Variants in GFAP observed in about 807,000 individuals in gnomAD.
GFAP encodes intermediate filament protein.
Under a neutral mutation model 49.3 loss-of-function variants are expected in GFAP, and 38 were observed. That is an observed-to-expected ratio of 0.77 (90% CI 0.60 to 1.01). GFAP has a LOEUF of 1.01. Among genes scored for constraint, GFAP ranks in the 50% least tolerant of loss-of-function variants. The pLI is 0.00. For synonymous variants in GFAP, 222 were observed against 236.4 expected, an observed-to-expected ratio of 0.94 and a Z score of 0.56; for missense variants, 463 against 579.1, an observed-to-expected ratio of 0.80 and a Z score of 2.06.
Position 44,904,501 on chromosome 17 carries a change from G to T in GFAP, c.*2846C>A. The T allele has an allele frequency of 1.3e-6, 2 of 1,549,442 alleles. No homozygotes were observed. The highest frequency in any genetic ancestry group is 2.4e-5 in the South Asian group (2 of 83,972). The stretch of plus-strand genomic sequence containing the variant: ...CAAGGGCTGTGCCAAGGAAGCTGCG[G>T]ACCAAGGCCAGGGACCACACGCCTG... On this transcript the variant is annotated 3_prime_UTR_variant, in exon 9 of 9. Coordinates refer to ENST00000588735, the MANE Select transcript of GFAP (RefSeq NM_002055.5).
chr17:44,912,906 A>C (rs2051807339), intron 4 of GFAP: 1 of 312,884 alleles, frequency 3.2e-6, no homozygotes, highest in African/African-American at 2.2e-5. Flanking sequence ...TGGAAATCCA[A>C]CTCTACCACT....
rs758585959 is a variant in GFAP at position 44,915,165 on chromosome 17, C to T, written c.322G>A (p.Glu108Lys). 3 of 1,614,062 alleles carry T rather than the reference C, an allele frequency of 1.9e-6. No individual in the cohort carries two copies. The East Asian group carries it at 6.7e-5, about 36-fold the overall frequency. The change falls in exon 1 of 9, where the codon GAG (glutamate) becomes AAG (lysine). Residue 108 changes from glutamate (E) to lysine (K), a missense_variant. By Grantham distance (56) the Glu-to-Lys change is moderately conservative (BLOSUM62 1). Around this residue, in one of 3 missense-constraint regions of GFAP, gnomAD observed 362 missense variants for 445.5 expected, o/e 0.81. Coordinates refer to ENST00000588735, the MANE Select transcript of GFAP (RefSeq NM_002055.5). This position sits in a 1 kb window ranked among gnomAD's most constrained non-coding sequence, Gnocchi z 4.1. ...TAGACGTCTGCCAGCTTGGTGGGCT[C>T]CTTGGCCCGCAGCTGGTTCAGCTCA... ...AAELNQLRAK[E>K]PTKLADVYQA...
intron 6 of GFAP, chr17:44,910,905 T>C: frequency 1.6e-6 from 1 of 618,652 alleles, no homozygotes; most frequent in Non-Finnish European, 2.8e-6. Flanking sequence ...GAGGGGAAAG[T>C]GGTGAAGAAA....
intron 5 of GFAP, 62 bp from the exon 6 acceptor site, chr17:44,911,518 C>T: frequency 1.9e-6 from 3 of 1,542,942 alleles, no homozygotes; most frequent in South Asian, 2.4e-5. Flanking sequence ...GTTTCGAGGC[C>T]CGGCCCCCGG....
rs551654305 is a variant in GFAP, at chr17:44,911,884, T to G, written c.781-87A>C. 2.0e-5 allele frequency: 29 copies of G among 1,474,840 alleles called. No individual in the cohort carries two copies. In the East Asian group the frequency reaches 5.7e-4, roughly 29 times the overall value. The allele number at this position is 1,474,840 out of a possible 1,614,324, so 91.4% of individuals were successfully genotyped here. On this transcript the variant is annotated intron_variant, in intron 4 of 8. Coordinates refer to ENST00000588735, the MANE Select transcript of GFAP (RefSeq NM_002055.5). ...ATCAGGGAGGTGAGCAGCACCCCAGTTAACCCCAGGACGTTGGCCCTGGCT... is the reference window on the plus strand; with the variant it reads ...ATCAGGGAGGTGAGCAGCACCCCAGGTAACCCCAGGACGTTGGCCCTGGCT...
chr17:44,913,858 A>G lies in GFAP; in HGVS notation c.523-35T>C, dbSNP rs548070428. On this transcript the variant is annotated intron_variant, in intron 2 of 8. Coordinates refer to ENST00000588735, the MANE Select transcript of GFAP (RefSeq NM_002055.5). ...CAGGAGGGGTGAGGAGTAGAGGGCCACTGGGGCCCCAGGCTCCTTCTCCCC... is the reference window on the plus strand; with the variant it reads ...CAGGAGGGGTGAGGAGTAGAGGGCCGCTGGGGCCCCAGGCTCCTTCTCCCC... 22 of 1,565,336 alleles carry G rather than the reference A, an allele frequency of 1.4e-5. No homozygotes were observed. The Admixed American group carries it at 3.0e-4, about 21-fold the overall frequency.
At chr17:44,907,749 G>A (rs1284296805) in intron 8 of GFAP, 1 of 555,204 alleles carries the variant, frequency 1.8e-6, no homozygotes, top group Non-Finnish European at 3.2e-6. Context: ...AGAGTTGGAA[G>A]TGAAAGCTAC....
intron 4 of GFAP, among the ~76,000 whole-genome samples, chr17:44,912,114 G>GTTTTTTTGT (rs2051787060): frequency 1.3e-5 from 2 of 151,544 alleles, no homozygotes; most frequent in African/African-American, 4.9e-5. Flanking sequence ...GTGTGTTTTT[G>GTTTTTTTGT]TTTTTTTGTT....
At position 44,914,698 on chromosome 17, in the gene GFAP, T is replaced by C. The variant is rs2051865667; in HGVS notation, c.461+328A>G. On this transcript the variant is annotated intron_variant, in intron 1 of 8. Coordinates refer to ENST00000588735, the MANE Select transcript of GFAP (RefSeq NM_002055.5). Reference sequence around the variant, plus strand: ...CCTTTATATGGACACAGGCTCAGAATAGGTGAGCTCGCTGCCCACAGTCAC... The same window carrying C: ...CCTTTATATGGACACAGGCTCAGAACAGGTGAGCTCGCTGCCCACAGTCAC... 4 of 406,582 alleles carry C rather than the reference T, an allele frequency of 9.8e-6. No individual in the cohort carries two copies. The South Asian group carries it at 1.1e-4, about 11-fold the overall frequency. 25.2% of individuals were successfully genotyped at this position (406,582 alleles called of 1,614,324 possible). A position where few individuals can be genotyped will look rare whatever the true frequency, so the allele number is the denominator to read the frequency against.
chr17:44,910,671 A>T lies in GFAP; in HGVS notation c.1128-13T>A, dbSNP rs777160665. On this transcript the variant is annotated splice_polypyrimidine_tract_variant and intron_variant, in intron 6 of 8. Coordinates refer to ENST00000588735, the MANE Select transcript of GFAP (RefSeq NM_002055.5). Reference sequence around the variant, plus strand: ...GGGAATGGTGATCCTGAAAGAAAGCAGAGGGAGAGGGCTGCCCGGGCTGCC... The same window carrying T: ...GGGAATGGTGATCCTGAAAGAAAGCTGAGGGAGAGGGCTGCCCGGGCTGCC... 6.3e-7 allele frequency: 1 copy of T among 1,584,712 alleles called. No homozygotes were observed. Among genetic ancestry groups the T allele is most frequent in the African/African-American group, 1.3e-5 (1 of 74,832 alleles).
chr17:44,911,611 G>T (rs886805023), intron 5 of GFAP, 61 bp downstream of exon 5: 2 of 1,598,644 alleles, frequency 1.3e-6, no homozygotes, highest in Non-Finnish European at 1.7e-6. Flanking sequence ...TTCTCCCCTG[G>T]CATCTCCTGG....
At position 44,904,472 on chromosome 17, in the gene GFAP, G is replaced by A; in HGVS notation, c.*2875C>T. 1 of 1,545,926 alleles carries A rather than the reference G, an allele frequency of 6.5e-7. No homozygotes were observed. The highest frequency in any genetic ancestry group is 1.4e-5 in the African/African-American group (1 of 73,088). The stretch of plus-strand genomic sequence containing the variant: ...GGCCGTGCCCGATGTGGTGTCTTGT[G>A]GCTCAAGGGCTGTGCCAAGGAAGCT... On this transcript the variant is annotated 3_prime_UTR_variant, in exon 9 of 9. Coordinates refer to ENST00000588735, the MANE Select transcript of GFAP (RefSeq NM_002055.5).
rs2051758785 is a variant in GFAP, at chr17:44,911,355, C to T, written c.1008G>A (p.Gln336=). ...GGCGGGCCATCTCGTCCTTGAGGCT[C>T]TGCCCCTCTTCCTCCAGCCGCGCCA... ...EALARLEEEG[Q]SLKDEMARHL... Residue 336 remains glutamine, a synonymous_variant, in exon 6 of 9, where the codon CAG becomes CAA. Transcript: ENST00000588735. The T allele has an allele frequency of 6.2e-7, 1 of 1,614,210 alleles. No individual in the cohort carries two copies. The highest frequency in any genetic ancestry group is 2.2e-5 in the East Asian group (1 of 44,890).
In GFAP at chr17:44,914,006, C is replaced by T. The variant is rs1469301705; in HGVS notation, c.522+22G>A. On this transcript the variant is annotated intron_variant, in intron 2 of 8. Transcript: ENST00000588735. ...ATCAATCCTTTCCTCCCTCCCCTGCCCCTCCCCTCCACCTCCCTGACCTGT... is the reference window on the plus strand; with the variant it reads ...ATCAATCCTTTCCTCCCTCCCCTGCTCCTCCCCTCCACCTCCCTGACCTGT... The T allele has an allele frequency of 5.3e-6, 8 of 1,522,572 alleles. No individual in the cohort carries two copies. In the East Asian group the frequency reaches 1.2e-4, roughly 23 times the overall value. 94.3% of individuals were successfully genotyped at this position (1,522,572 alleles called of 1,614,324 possible). A position where few individuals can be genotyped will look rare whatever the true frequency, so the allele number is the denominator to read the frequency against.
chr17:44,913,481 TGGG>T, intron 3 of GFAP, 51 bp from the exon 4 acceptor site: 1 of 1,591,840 alleles, frequency 6.3e-7, no homozygotes. Context: ...AGGCCACAGC[TGGG>T]GTTCCCCACG....
chr17:44,911,527 G>C (rs1271827203), intron 5 of GFAP, 71 bp from the exon 6 acceptor site: 2 of 1,543,278 alleles, frequency 1.3e-6, no homozygotes, highest in African/African-American at 2.7e-5. Context: ...CCCGGCCCCC[G>C]GCCCCAGGCC....
At chr17:44,913,894 C>G in intron 2 of GFAP, 71 bp from the exon 3 acceptor site, 2 of 1,400,510 alleles carry the variant, frequency 1.4e-6, no homozygotes, top group South Asian at 2.3e-5. Context: ...ATTCCTCAGC[C>G]TTGCCTTACC....
rs894581370 is a variant in GFAP, at chr17:44,904,626, G to A, written c.*2721C>T. 1.9e-5 allele frequency: 29 copies of A among 1,550,418 alleles called. No homozygotes were observed. Among genetic ancestry groups the A allele is most frequent in the Admixed American group, 5.9e-5 (3 of 50,972 alleles). ...AACTATGTGTCCAAAGTGGGCAGCCGGCCCTGGGTGCCCCAGGTGCCCATT... is the reference window on the plus strand; with the variant it reads ...AACTATGTGTCCAAAGTGGGCAGCCAGCCCTGGGTGCCCCAGGTGCCCATT... On this transcript the variant is annotated 3_prime_UTR_variant, in exon 9 of 9. Coordinates refer to ENST00000588735, the MANE Select transcript of GFAP (RefSeq NM_002055.5).
Position 44,905,557 on chromosome 17 carries a change from A to C in GFAP, c.*1790T>G, listed in dbSNP as rs2051641601. 6.2e-6 allele frequency: 1 copy of C among 161,986 alleles called. No individual in the cohort carries two copies. The highest frequency in any genetic ancestry group is 2.4e-5 in the African/African-American group (1 of 41,462). 10.0% of individuals were successfully genotyped at this position (161,986 alleles called of 1,614,324 possible). On this transcript the variant is annotated 3_prime_UTR_variant, in exon 9 of 9. Coordinates refer to ENST00000588735, the MANE Select transcript of GFAP (RefSeq NM_002055.5). Reference sequence around the variant, plus strand: ...CAGAGATGATCAGTAATAAGAAATGAGTTGGTCTTGTCAAAGGCTACATCT... The same window carrying C: ...CAGAGATGATCAGTAATAAGAAATGCGTTGGTCTTGTCAAAGGCTACATCT...
Sources: allele counts gnomAD v4.1 joint callset (sites outside exome capture counted in the v4.1 genomes callset), GRCh38; gene constraint gnomAD v4.1.1; regional missense constraint gnomAD v4.1.1; non-coding constraint Gnocchi (gnomAD v3.1); transcripts MANE v1.5; gene names NCBI Gene and HGNC (gene_info 2026-07-23, HGNC 2026-07-21).